Variants in RRAGD observed in about 807,000 individuals in gnomAD.
The protein encoded by RRAGD is ras-related GTP-binding protein D.
In RRAGD, 12 loss-of-function variants were observed where a neutral mutation model predicts 35.5. That is an observed-to-expected ratio of 0.34 (90% confidence interval 0.22 to 0.55). The LOEUF is 0.55. RRAGD is among the 20% of genes least tolerant of loss of function. The probability of loss-of-function intolerance (pLI) is 0.91; values close to 1 mark genes in which losing one functional copy is unlikely to be tolerated. For missense variants in RRAGD, 324 were observed against 490.1 expected (o/e 0.66, Z 3.20); for synonymous variants, 155 against 178.9 (o/e 0.87, Z 1.07).
intron 5 of RRAGD, among the ~76,000 whole-genome samples, chr6:89,376,423 A>C (rs189979855): frequency 1.6e-4 from 24 of 152,246 alleles, no homozygotes; most frequent in African/African-American, 5.5e-4. Context: ...AGACTCTCAC[A>C]AAAGCTGAAA....
Position 89,403,891 on chromosome 6 carries a change from C to G in RRAGD, c.148+7955G>C, listed in dbSNP as rs1190474228. Among the ~76,000 whole-genome samples the G allele has an allele frequency of 2.0e-5, 3 of 152,222 alleles. 1 individual carries two copies. The South Asian group carries it at 6.2e-4, about 32-fold the overall frequency. On this transcript the variant is annotated intron_variant, in intron 1 of 6. Transcript: ENST00000369415. ...CAGGCTGGTCTTGAACACCTGGGCT[C>G]AAGCAATCCTCCCACCTTGGCATCC...
chr6:89,380,931 C>G (rs1282975440), intron 2 of RRAGD, among the ~76,000 whole-genome samples: 1 of 145,700 alleles, frequency 6.9e-6, no homozygotes, highest in East Asian at 2.0e-4. Context: ...AAAAAAAGAT[C>G]AGAGTTGCGG....
At chr6:89,380,070 A>G in intron 3 of RRAGD, 98 bp downstream of exon 3, 1 of 1,033,404 alleles carries the variant, frequency 9.7e-7, no homozygotes, top group Non-Finnish European at 1.5e-6. Flanking sequence ...AAAAGAAGGT[A>G]AATTACTGCC....
At chr6:89,368,851 A>G (rs1768803778) in intron 6 of RRAGD, among the ~76,000 whole-genome samples, 1 of 152,224 alleles carries the variant, frequency 6.6e-6, no homozygotes, top group Admixed American at 6.5e-5. Flanking sequence ...TATCAGTGAC[A>G]CAAAAAATAG....
chr6:89,407,026 A>G (rs1769594234), intron 1 of RRAGD, among the ~76,000 whole-genome samples: 1 of 152,240 alleles, frequency 6.6e-6, no homozygotes, highest in Non-Finnish European at 1.5e-5. Context: ...TGTGCCTGCA[A>G]AAAGGGAAAG....
intron 1 of RRAGD, among the ~76,000 whole-genome samples, chr6:89,396,425 A>T (rs1468489270): frequency 1.3e-5 from 2 of 151,780 alleles, no homozygotes; most frequent in Non-Finnish European, 2.9e-5. Context: ...ATTTTATTTT[A>T]TTTATTTATT....
At chr6:89,407,404 A>G (rs1356743864) in intron 1 of RRAGD, among the ~76,000 whole-genome samples, 5 of 152,172 alleles carry the variant, frequency 3.3e-5, no homozygotes, top group Admixed American at 6.5e-5. Context: ...TTGGGAGGCC[A>G]AGGCAGGTGG....
intron 1 of RRAGD, among the ~76,000 whole-genome samples, chr6:89,397,814 C>T (rs1769367700): frequency 2.0e-5 from 3 of 152,106 alleles, no homozygotes; most frequent in Admixed American, 1.3e-4. Flanking sequence ...CTAATCTAAT[C>T]TACAGTGGCA....
chr6:89,405,527 T>A (rs892337914), intron 1 of RRAGD, among the ~76,000 whole-genome samples: 2 of 151,892 alleles, frequency 1.3e-5, no homozygotes, highest in African/African-American at 4.8e-5. Context: ...TCCTCCTCTA[T>A]CAGCATACAC....
In RRAGD at chr6:89,387,571, G is replaced by T. The variant is rs1290195794; in HGVS notation, c.168C>A (p.Pro56=). 1 of 1,613,588 alleles carries T rather than the reference G, an allele frequency of 6.2e-7. No homozygotes were observed. The highest frequency in any genetic ancestry group is 8.5e-7 in the Non-Finnish European group (1 of 1,179,772). The change falls in exon 2 of 7, where the codon CCC becomes CCA. Residue 56 remains proline (P), a synonymous_variant. Transcript: ENST00000369415. ...TTCTCGGCTTCACTTCAGTGCTGAA[G>T]GGGTCACTGAAGTCCAGAACTGGAG... is the stretch of plus-strand genomic sequence containing the variant. The part of the protein sequence containing the change: ...TEEGVLDFSD[P]FSTEVKPRIL...
rs1031394479 is a variant in RRAGD, at chr6:89,378,321, C to T, written c.760-508G>A. ...CCGTCTCAAAAAAAAAAAAAGAATT[C>T]GAATGACCACAAATTATTTATTTTA... On this transcript the variant is annotated intron_variant, in intron 4 of 6. Coordinates refer to ENST00000369415, the MANE Select transcript of RRAGD (RefSeq NM_021244.5). Among the ~76,000 whole-genome samples, 4 of 151,494 alleles carry T rather than the reference C, an allele frequency of 2.6e-5. 1 individual carries two copies. The South Asian group carries it at 6.2e-4, about 24-fold the overall frequency.
chr6:89,391,318 G>A lies in RRAGD; in HGVS notation c.149-3728C>T, dbSNP rs545047219. Among the ~76,000 whole-genome samples the A allele has an allele frequency of 1.1e-3, 169 of 151,610 alleles. 2 individuals carry two copies. The highest frequency in any genetic ancestry group is 3.8e-3 in the African/African-American group (158 of 41,276). ...AAGGATCCCTTGAGCCCAGTGGCTC[G>A]AGGCTGCAGTGAGCCACAATCATGC... On this transcript the variant is annotated intron_variant, in intron 1 of 6. Transcript: ENST00000369415.
rs564336978 is a variant in RRAGD, at chr6:89,367,977, T to C, written c.*79A>G. 2.3e-6 allele frequency: 3 copies of C among 1,310,270 alleles called. No homozygotes were observed. The highest frequency in any genetic ancestry group is 1.8e-5 in the South Asian group (1 of 54,882). The allele number at this position is 1,310,270 out of a possible 1,614,324, so 81.2% of individuals were successfully genotyped here. A position where few individuals can be genotyped will look rare whatever the true frequency, so the allele number is the denominator to read the frequency against. Reference sequence around the variant, plus strand: ...AATGGTATGTGTCCCAATCTCCTTCTTCCTCTTCCTTTAGTGCAACATGGC... The same window carrying C: ...AATGGTATGTGTCCCAATCTCCTTCCTCCTCTTCCTTTAGTGCAACATGGC... On this transcript the variant is annotated 3_prime_UTR_variant, in exon 7 of 7. Transcript: ENST00000369415.
chr6:89,390,786 T>C (rs1769218776), intron 1 of RRAGD, among the ~76,000 whole-genome samples: 2 of 152,010 alleles, frequency 1.3e-5, no homozygotes, highest in African/African-American at 4.8e-5. Flanking sequence ...TAATCCCAGC[T>C]ACTTGGGAGG....
chr6:89,380,252 T>C lies in RRAGD; in HGVS notation c.560A>G (p.Asp187Gly), dbSNP rs1769018293. The change falls in exon 3 of 7, where the codon GAC becomes GGC. Residue 187 changes from aspartate to glycine, a missense_variant. Asp to Gly is a moderately conservative substitution (Grantham distance 94). Around this residue, in one of 5 missense-constraint regions of RRAGD, gnomAD observed 152 missense variants for 296.9 expected, o/e 0.51. Coordinates refer to ENST00000369415, the MANE Select transcript of RRAGD (RefSeq NM_021244.5). ...FIHKVDGLSDDHKIETQRDIH... is the reference protein window; with the variant it reads ...FIHKVDGLSDGHKIETQRDIH... ...ATCTCTTTGGGTTTCAATTTTGTGG[T>C]CATCTGACAGACCATCCACTTTATG... 6.2e-7 allele frequency: 1 copy of C among 1,614,126 alleles called. No homozygotes were observed.
chr6:89,367,712 GT>G lies in RRAGD; in HGVS notation c.*343del, dbSNP rs924700755. ...TACAGAAAAAAAGCTTAGAAAAGTC[GT>G]TTTATCAAAGTTCAGTTCAATGAGA... is the stretch of plus-strand genomic sequence containing the variant. On this transcript the variant is annotated 3_prime_UTR_variant, in exon 7 of 7. Coordinates refer to ENST00000369415, the MANE Select transcript of RRAGD (RefSeq NM_021244.5). 5.2e-6 allele frequency: 1 copy of G among 190,584 alleles called. No individual in the cohort carries two copies. The highest frequency in any genetic ancestry group is 1.1e-5 in the Non-Finnish European group (1 of 93,804). 11.8% of individuals were successfully genotyped at this position (190,584 alleles called of 1,614,324 possible).
In RRAGD at chr6:89,367,167, C is replaced by T. The variant is rs1391186585; in HGVS notation, c.*889G>A. The stretch of plus-strand genomic sequence containing the variant: ...TTAGTCTGCAGTTGCCAATCACATA[C>T]TTTTGGAACAACTTTAGGCCTCTGA... On this transcript the variant is annotated 3_prime_UTR_variant, in exon 7 of 7. Transcript: ENST00000369415. 6.6e-6 allele frequency: 1 copy of T among 152,178 alleles called. No individual in the cohort carries two copies. The highest frequency in any genetic ancestry group is 1.9e-4 in the East Asian group (1 of 5,196). 9.4% of individuals were successfully genotyped at this position (152,178 alleles called of 1,614,324 possible).
intron 6 of RRAGD, among the ~76,000 whole-genome samples, chr6:89,370,798 C>T (rs769800646): frequency 6.6e-6 from 1 of 152,088 alleles, no homozygotes; most frequent in Non-Finnish European, 1.5e-5. Flanking sequence ...ATTCATCATA[C>T]AATCTATCAT....
At chr6:89,390,358 G>A (rs1247688209) in intron 1 of RRAGD, among the ~76,000 whole-genome samples, 2 of 152,180 alleles carry the variant, frequency 1.3e-5, no homozygotes, top group Non-Finnish European at 2.9e-5. Context: ...AGCAAAGGAT[G>A]CGAATAGACA....
Sources: gnomAD v4.1 joint callset for allele counts (sites outside exome capture counted in the v4.1 genomes callset) on GRCh38, gnomAD v4.1.1 for gene constraint, gnomAD v4.1.1 regional missense constraint, MANE v1.5 for transcripts, NCBI Gene and HGNC (gene_info 2026-07-23, HGNC 2026-07-21) for gene names.